The following NALF1 variants were observed in gnomAD, a reference collection of about 807,000 sequenced individuals.
NALF1 encodes the protein NALCN channel auxiliary factor 1.
NALF1 carries 3 observed loss-of-function variants against 48.4 expected under a neutral mutation model. The observed-to-expected ratio is 0.06, with a 90% CI of 0.03 to 0.16. The LOEUF (loss-of-function observed/expected upper bound fraction) is 0.16. Ranked by LOEUF, NALF1 falls within the 10% of genes least tolerant of loss-of-function variation. The pLI, the probability that NALF1 is intolerant of heterozygous loss-of-function variation, is 1.00. For synonymous variants in NALF1, 262 were observed against 245.7 expected (o/e 1.07, Z -0.62); for missense variants, 526 against 571.5 (o/e 0.92, Z 0.81).
At chr13:107,712,152 T>C in intron 1 of NALF1, among the ~76,000 whole-genome samples, 1 of 152,212 alleles carries the variant, frequency 6.6e-6, no homozygotes, top group African/African-American at 2.4e-5. Context: ...ACACACATTA[T>C]AAATGTTGCC....
At chr13:107,172,938 T>G (rs1259182237) in intron 2 of NALF1, among the ~76,000 whole-genome samples, 1 of 152,222 alleles carries the variant, frequency 6.6e-6, no homozygotes, top group Non-Finnish European at 1.5e-5. Flanking sequence ...AACCCTTCTT[T>G]TTGTCTGGCA....
chr13:107,563,220 A>G (rs967663845), intron 1 of NALF1, among the ~76,000 whole-genome samples: 1 of 152,212 alleles, frequency 6.6e-6, no homozygotes, highest in African/African-American at 2.4e-5. Context: ...GCAACTTCAC[A>G]GGGAAGCTCA....
At chr13:107,790,716 A>G (rs764212003) in intron 1 of NALF1, among the ~76,000 whole-genome samples, 5 of 152,176 alleles carry the variant, frequency 3.3e-5, no homozygotes, top group Non-Finnish European at 7.4e-5. Flanking sequence ...TTAACCAAGG[A>G]GTGTTAATTT....
intron 1 of NALF1, among the ~76,000 whole-genome samples, chr13:107,215,684 A>G (rs1378866915): frequency 1.3e-5 from 2 of 152,158 alleles, no homozygotes; most frequent in Non-Finnish European, 2.9e-5. Flanking sequence ...TAGAAATACT[A>G]CACGGGACCA....
At chr13:107,480,687 C>T (rs1255917418) in intron 1 of NALF1, among the ~76,000 whole-genome samples, 1 of 152,142 alleles carries the variant, frequency 6.6e-6, no homozygotes, top group Non-Finnish European at 1.5e-5. Context: ...GCCCACGGGC[C>T]GTGGGTTGGA....
chr13:107,254,465 G>T (rs1375604827), intron 1 of NALF1, among the ~76,000 whole-genome samples: 1 of 152,170 alleles, frequency 6.6e-6, no homozygotes, highest in Non-Finnish European at 1.5e-5. Flanking sequence ...AAGGAAAGTA[G>T]TTGCAAAGGG....
chr13:107,689,096 T>A (rs2138502718), intron 1 of NALF1, among the ~76,000 whole-genome samples: 1 of 152,224 alleles, frequency 6.6e-6, no homozygotes, highest in South Asian at 2.1e-4. Flanking sequence ...GGGGAGATAT[T>A]TTTTGTATTC....
chr13:107,463,604 G>A (rs1032269615), intron 1 of NALF1, among the ~76,000 whole-genome samples: 3 of 152,114 alleles, frequency 2.0e-5, no homozygotes, highest in Non-Finnish European at 4.4e-5. Flanking sequence ...AGATGAAACC[G>A]ATGTACAGGT....
rs140979188 is a variant in NALF1 at position 107,406,469 on chromosome 13, C to A, written c.916-195714G>T. 2.8e-3 allele frequency among the ~76,000 whole-genome samples: 431 copies of A among 151,618 alleles called. 2 individuals carry two copies. Among genetic ancestry groups the A allele is most frequent in the African/African-American group, 9.6e-3 (398 of 41,404 alleles). ...GAATTAACCAAAGAAGTGAAAGAAC[C>A]CTACAATGAAAACTATAAAACACTG... On this transcript the variant is annotated intron_variant, in intron 1 of 2. Coordinates refer to ENST00000375915, the MANE Select transcript of NALF1 (RefSeq NM_001080396.3).
intron 1 of NALF1, among the ~76,000 whole-genome samples, chr13:107,223,209 T>C (rs1260157349): frequency 1.1e-4 from 16 of 152,234 alleles, no homozygotes; most frequent in Admixed American, 1.0e-3. Context: ...ACTAAATTTA[T>C]TGGCATCTTG....
intron 1 of NALF1, among the ~76,000 whole-genome samples, chr13:107,745,528 CAGAT>C (rs960691809): frequency 6.6e-6 from 1 of 152,236 alleles, no homozygotes; most frequent in East Asian, 1.9e-4. Flanking sequence ...GGGGTTTACA[CAGAT>C]AAATAATAAA....
At chr13:107,710,517 C>T (rs76074959) in intron 1 of NALF1, among the ~76,000 whole-genome samples, 14,029 of 151,956 alleles carry the variant, frequency 0.092, 1,488 homozygotes, top group East Asian at 0.42. Context: ...GGGGAAGCCT[C>T]AGAAAACTCA....
chr13:107,305,370 C>T (rs73584960), intron 1 of NALF1, among the ~76,000 whole-genome samples: 113 of 152,260 alleles, frequency 7.4e-4, no homozygotes, highest in African/African-American at 2.5e-3. Context: ...GTTAAAAATG[C>T]TGATTGCTTA....
chr13:107,706,536 A>G (rs1344288217), intron 1 of NALF1, among the ~76,000 whole-genome samples: 1 of 152,164 alleles, frequency 6.6e-6, no homozygotes, highest in Non-Finnish European at 1.5e-5. Flanking sequence ...CACCACCTAG[A>G]ACTGTTCTCA....
intron 1 of NALF1, among the ~76,000 whole-genome samples, chr13:107,647,068 G>C (rs536983294): frequency 1.3e-5 from 2 of 152,078 alleles, no homozygotes; most frequent in South Asian, 4.2e-4. Flanking sequence ...TAAATCAAAA[G>C]TTTGGAAATA....
chr13:107,762,104 G>A (rs1333892985), intron 1 of NALF1, among the ~76,000 whole-genome samples: 1 of 152,116 alleles, frequency 6.6e-6, no homozygotes, highest in East Asian at 1.9e-4. Flanking sequence ...GGTATTTTGA[G>A]CACTGACCCA....
At chr13:107,524,480 C>T (rs535082071) in intron 1 of NALF1, among the ~76,000 whole-genome samples, 21 of 151,960 alleles carry the variant, frequency 1.4e-4, no homozygotes, top group Non-Finnish European at 2.2e-4. Context: ...AAGGATGGTA[C>T]GAAACGGATC....
At chr13:107,200,876 G>T (rs566631763) in intron 2 of NALF1, among the ~76,000 whole-genome samples, 1 of 152,146 alleles carries the variant, frequency 6.6e-6, no homozygotes, top group Admixed American at 6.5e-5. Context: ...GGTGACTTTA[G>T]TGCGGCCACA....
intron 1 of NALF1, among the ~76,000 whole-genome samples, chr13:107,476,944 G>A (rs938877839): frequency 6.6e-6 from 1 of 152,006 alleles, no homozygotes; most frequent in Non-Finnish European, 1.5e-5. Context: ...TATTTTTTTA[G>A]AATACTAGTC....
Sources: gnomAD v4.1 joint callset for allele counts (sites outside exome capture counted in the v4.1 genomes callset) on GRCh38, gnomAD v4.1.1 for gene constraint, MANE v1.5 for transcripts, NCBI Gene and HGNC (gene_info 2026-07-23, HGNC 2026-07-21) for gene names.